Variants in CD83 observed in about 807,000 individuals in gnomAD.
The protein encoded by CD83 is CD83 molecule.
In CD83, 22 loss-of-function variants were observed where a neutral mutation model predicts 24.6. The ratio of observed to expected loss-of-function variants is 0.90; its 90% CI spans 0.64 to 1.28. The LOEUF is 1.28. Among genes scored for constraint, CD83 ranks in the 50% most tolerant of loss-of-function variants. The pLI is 0.00. For missense variants in CD83, 253 were observed against 252.8 expected, an observed-to-expected ratio of 1.00 and a Z score of -0.01; for synonymous variants, 101 against 103.5, an observed-to-expected ratio of 0.98 and a Z score of 0.14.
rs577308254 is a variant in CD83, at chr6:14,129,245, A to G, written c.154-2275A>G. ...GGACTGGGCCGAGCTAATTATTTCA[A>G]ACTGGCCTTTCAGGCCATCCTAGAC... On this transcript the variant is annotated intron_variant, in intron 2 of 4. Coordinates refer to ENST00000379153, the MANE Select transcript of CD83 (RefSeq NM_004233.4). The surrounding 1 kb of genome is among the most constrained non-coding windows in gnomAD (Gnocchi z 4.3). Among the ~76,000 whole-genome samples, 1 of 152,354 alleles carries G rather than the reference A, an allele frequency of 6.6e-6. No individual in the cohort carries two copies. The highest frequency in any genetic ancestry group is 1.9e-4 in the East Asian group (1 of 5,176).
rs1758030646 is a variant in CD83 at position 14,135,537 on chromosome 6, A to G, written c.*301A>G. On this transcript the variant is annotated 3_prime_UTR_variant, in exon 5 of 5. Transcript: ENST00000379153. Reference sequence around the variant, plus strand: ...TCAGTCATATAAAAGCTATGGTGAGATGCAGCTGGAAAAGGGTCTTGGGAA... The same window carrying G: ...TCAGTCATATAAAAGCTATGGTGAGGTGCAGCTGGAAAAGGGTCTTGGGAA... The G allele has an allele frequency of 3.5e-6, 1 of 288,700 alleles. No homozygotes were observed. The highest frequency in any genetic ancestry group is 6.5e-6 in the Non-Finnish European group (1 of 153,160). 17.9% of individuals were successfully genotyped at this position (288,700 alleles called of 1,614,324 possible).
intron 2 of CD83, among the ~76,000 whole-genome samples, chr6:14,121,727 T>A (rs565181329): frequency 6.6e-6 from 1 of 151,314 alleles, no homozygotes; most frequent in East Asian, 2.0e-4. Context: ...CCACTGGCCA[T>A]GACCTGTGAT....
In CD83 at chr6:14,117,880, G is replaced by C. The variant is rs771547901; in HGVS notation, c.37+32G>C. 9 of 1,573,550 alleles carry C rather than the reference G, an allele frequency of 5.7e-6. No individual in the cohort carries two copies. The highest frequency in any genetic ancestry group is 1.7e-4 in the Middle Eastern group (1 of 6,022). ...CTCGCGAGCGCCTGTCTCGCCTGTC[G>C]CCCCCCGCCCCTCCACGACACCCCC... On this transcript the variant is annotated intron_variant, in intron 1 of 4. Transcript: ENST00000379153. This position sits in a 1 kb window ranked among gnomAD's most constrained non-coding sequence, Gnocchi z 4.6.
In CD83 at chr6:14,135,443, C is replaced by T. The variant is rs1758028178; in HGVS notation, c.*207C>T. 3 of 514,652 alleles carry T rather than the reference C, an allele frequency of 5.8e-6. No individual in the cohort carries two copies. The highest frequency in any genetic ancestry group is 1.0e-5 in the Non-Finnish European group (3 of 291,302). The allele number at this position is 514,652 out of a possible 1,614,324, so 31.9% of individuals were successfully genotyped here. A position where few individuals can be genotyped will look rare whatever the true frequency, so the allele number is the denominator to read the frequency against. ...CACATGACCACATAGCATGAGGCCA[C>T]TGCTGCTTCTCCATGGCCACCTTTT... is the stretch of plus-strand genomic sequence containing the variant. On this transcript the variant is annotated 3_prime_UTR_variant, in exon 5 of 5. Transcript: ENST00000379153.
intron 2 of CD83, among the ~76,000 whole-genome samples, chr6:14,127,374 A>T (rs993826683): frequency 2.0e-5 from 3 of 152,150 alleles, no homozygotes; most frequent in African/African-American, 7.2e-5. Flanking sequence ...AAATGAAACT[A>T]TTGCCCTCTT....
intron 2 of CD83, among the ~76,000 whole-genome samples, chr6:14,120,409 A>C (rs532169814): frequency 3.2e-4 from 49 of 152,230 alleles, no homozygotes; most frequent in Non-Finnish European, 6.0e-4. Flanking sequence ...AATGTTAAGC[A>C]TCTGGTCATT....
intron 2 of CD83, among the ~76,000 whole-genome samples, chr6:14,130,147 C>T (rs1013667433): frequency 4.6e-5 from 7 of 152,096 alleles, no homozygotes; most frequent in African/African-American, 1.7e-4. Context: ...TCCTGGGCTC[C>T]CTGCTGGTCC....
chr6:14,117,877 G>A lies in CD83; in HGVS notation c.37+29G>A, dbSNP rs756574697. Reference sequence around the variant, plus strand: ...GGGCTCGCGAGCGCCTGTCTCGCCTGTCGCCCCCCGCCCCTCCACGACACC... The same window carrying A: ...GGGCTCGCGAGCGCCTGTCTCGCCTATCGCCCCCCGCCCCTCCACGACACC... On this transcript the variant is annotated intron_variant, in intron 1 of 4. Transcript: ENST00000379153. The surrounding 1 kb of genome is among the most constrained non-coding windows in gnomAD (Gnocchi z 4.6). 10 of 1,576,652 alleles carry A rather than the reference G, an allele frequency of 6.3e-6. No individual in the cohort carries two copies. In the Admixed American group the frequency reaches 1.4e-4, roughly 22 times the overall value.
In CD83 at chr6:14,133,630, G is replaced by T. The variant is rs768336281; in HGVS notation, c.383-19G>T. 3 of 1,520,834 alleles carry T rather than the reference G, an allele frequency of 2.0e-6. No individual in the cohort carries two copies. Among genetic ancestry groups the T allele is most frequent in the Non-Finnish European group, 2.7e-6 (3 of 1,109,912 alleles). 94.2% of individuals were successfully genotyped at this position (1,520,834 alleles called of 1,614,324 possible). A position where few individuals can be genotyped will look rare whatever the true frequency, so the allele number is the denominator to read the frequency against. ...AAATCCTGTTAAAATGGCTTCACAT[G>T]TCGCTTACTTTTTTAAAGGATGCCC... is the stretch of plus-strand genomic sequence containing the variant. On this transcript the variant is annotated intron_variant, in intron 3 of 4. Coordinates refer to ENST00000379153, the MANE Select transcript of CD83 (RefSeq NM_004233.4).
chr6:14,120,729 C>T (rs1189117530), intron 2 of CD83, among the ~76,000 whole-genome samples: 4 of 152,244 alleles, frequency 2.6e-5, no homozygotes, highest in African/African-American at 7.2e-5. Context: ...CCTCCGGCAC[C>T]ATGTAGCATC....
Position 14,117,792 on chromosome 6 carries a change from A to G in CD83, c.-20A>G. The G allele has an allele frequency of 3.3e-6, 5 of 1,500,876 alleles. No individual in the cohort carries two copies. Among genetic ancestry groups the G allele is most frequent in the Non-Finnish European group, 4.4e-6 (5 of 1,127,912 alleles). The allele number at this position is 1,500,876 out of a possible 1,614,324, so 93.0% of individuals were successfully genotyped here. Reference sequence around the variant, plus strand: ...GCGCCACAGCTCTGCAGCTCGTGGCAGCGGCGCAGCGCTCCAGCCATGTCG... The same window carrying G: ...GCGCCACAGCTCTGCAGCTCGTGGCGGCGGCGCAGCGCTCCAGCCATGTCG... On this transcript the variant is annotated 5_prime_UTR_variant, in exon 1 of 5. Transcript: ENST00000379153. This position sits in a 1 kb window ranked among gnomAD's most constrained non-coding sequence, Gnocchi z 4.6.
chr6:14,132,420 T>G (rs570626988), intron 3 of CD83, among the ~76,000 whole-genome samples: 2 of 152,322 alleles, frequency 1.3e-5, no homozygotes, highest in African/African-American at 4.8e-5. Context: ...TGATTTTCTC[T>G]CCTTTTCCTC....
intron 2 of CD83, among the ~76,000 whole-genome samples, chr6:14,126,923 A>T (rs1384884265): frequency 6.6e-6 from 1 of 151,450 alleles, no homozygotes; most frequent in Non-Finnish European, 1.5e-5. Context: ...ATTAGATGAA[A>T]TTTTTATACT....
chr6:14,123,055 C>CA (rs1424428589), intron 2 of CD83, among the ~76,000 whole-genome samples: 1 of 151,544 alleles, frequency 6.6e-6, no homozygotes. Context: ...ATCCTTTTGG[C>CA]AGTAAGGAGC....
At chr6:14,118,268 C>G (rs190535984) in intron 2 of CD83, among the ~76,000 whole-genome samples, 5 of 152,254 alleles carry the variant, frequency 3.3e-5, no homozygotes, top group East Asian at 1.9e-4. Flanking sequence ...TTAGGTTTTG[C>G]TCTCCGCAGA....
At chr6:14,124,945 G>A (rs1759750086) in intron 2 of CD83, among the ~76,000 whole-genome samples, 1 of 152,148 alleles carries the variant, frequency 6.6e-6, no homozygotes, top group African/African-American at 2.4e-5. Flanking sequence ...TATGAATGAT[G>A]TCCTGATAGG....
rs141323376 is a variant in CD83 at position 14,122,913 on chromosome 6, G to A, written c.153+4848G>A. Among the ~76,000 whole-genome samples, 406 of 152,312 alleles carry A rather than the reference G, an allele frequency of 2.7e-3. 22 individuals carry two copies. The East Asian group carries it at 0.064, about 24-fold the overall frequency. ...CTGGGAATCCACTAAGACTTTTTGG[G>A]AACCATTGAGGTAACCAGTGATGTA... is the stretch of plus-strand genomic sequence containing the variant. On this transcript the variant is annotated intron_variant, in intron 2 of 4. Coordinates refer to ENST00000379153, the MANE Select transcript of CD83 (RefSeq NM_004233.4).
In CD83 at chr6:14,134,958, C is replaced by T; in HGVS notation, c.490-150C>T. The T allele has an allele frequency of 4.2e-6, 3 of 717,054 alleles. No homozygotes were observed. In the Admixed American group the frequency reaches 8.1e-5, roughly 19 times the overall value. The allele number at this position is 717,054 out of a possible 1,614,324, so 44.4% of individuals were successfully genotyped here. ...AGAGACGCCAGTGAAATGGTTGGTA[C>T]AAATCCCTTGTGGAGCGAGTGAGGC... On this transcript the variant is annotated intron_variant, in intron 4 of 4. Coordinates refer to ENST00000379153, the MANE Select transcript of CD83 (RefSeq NM_004233.4).
intron 4 of CD83, 79 bp downstream of exon 4, chr6:14,133,834 C>T (rs1037477271): frequency 5.8e-5 from 54 of 929,142 alleles, no homozygotes; most frequent in African/African-American, 1.7e-4. Flanking sequence ...GCAGATAGTG[C>T]GAATCATTTA....
Sources: allele counts gnomAD v4.1 joint callset (sites outside exome capture counted in the v4.1 genomes callset), GRCh38; gene constraint gnomAD v4.1.1; non-coding constraint Gnocchi (gnomAD v3.1); transcripts MANE v1.5; gene names NCBI Gene and HGNC (gene_info 2026-07-23, HGNC 2026-07-21).